Variants in FAM53C observed in about 807,000 individuals in gnomAD.
FAM53C encodes protein FAM53C.
A neutral mutation model predicts 34.7 loss-of-function variants in FAM53C; 10 were observed. The ratio of observed to expected loss-of-function variants is 0.29; its 90% confidence interval spans 0.18 to 0.49. The LOEUF is 0.49. Ranked by LOEUF, FAM53C falls within the 20% of genes least tolerant of loss-of-function variation. FAM53C has a pLI of 0.99. For synonymous variants in FAM53C, 203 were observed against 203.6 expected, an observed-to-expected ratio of 1.00 and a Z score of 0.03; for missense variants, 442 against 515.3, an observed-to-expected ratio of 0.86 and a Z score of 1.38.
At chr5:138,343,949 T>C (rs1241133600) in intron 3 of FAM53C, among the ~76,000 whole-genome samples, 1 of 152,190 alleles carries the variant, frequency 6.6e-6, no homozygotes, top group African/African-American at 2.4e-5. Context: ...TTCGTATACT[T>C]GTCGTTTGCC....
Position 138,346,785 on chromosome 5 carries a change from C to G in FAM53C, c.1005C>G (p.Ser335Arg). The stretch of plus-strand genomic sequence containing the variant: ...CTCCACCATGGTTCATGGCCTGTAG[C>G]CCCCCACCCCTCTCTGCTTCCTGCA... The part of the protein sequence containing the change: ...SISPPWFMAC[S>R]PPPLSASCSP... The change falls in exon 5 of 5, where the codon AGC (serine) becomes AGG (arginine). Residue 335 changes from serine to arginine, a missense_variant. Physicochemically the swap from Ser to Arg is moderately radical, Grantham distance 110. Coordinates refer to ENST00000239906, the MANE Select transcript of FAM53C (RefSeq NM_016605.3). The G allele has an allele frequency of 6.2e-7, 1 of 1,614,116 alleles. No homozygotes were observed. Among genetic ancestry groups the G allele is most frequent in the East Asian group, 2.2e-5 (1 of 44,888 alleles).
At chr5:138,349,728 AAC>A (rs1761269739) in exon 5 of FAM53C, 1 of 152,260 alleles carries the variant, frequency 6.6e-6, no homozygotes, top group Non-Finnish European at 1.5e-5. Flanking sequence ...TTTCCCAAGC[AAC>A]CTTGTGTACT....
At position 138,338,284 on chromosome 5, in the gene FAM53C, G is replaced by T. The variant is rs1188577123; in HGVS notation, c.-176G>T. The T allele has an allele frequency of 3.6e-6, 3 of 839,450 alleles. No homozygotes were observed. The highest frequency in any genetic ancestry group is 5.2e-6 in the Non-Finnish European group (3 of 578,908). The allele number at this position is 839,450 out of a possible 1,614,324, so 52.0% of individuals were successfully genotyped here. On this transcript the variant is annotated 5_prime_UTR_variant, in exon 1 of 5. Coordinates refer to ENST00000239906, the MANE Select transcript of FAM53C (RefSeq NM_016605.3). ...AGCGCTCAGAGCTGCTCCGGCCGCG[G>T]CCCTGGGAGCTGGAGGAACCGCGGT...
chr5:138,341,510 A>G (rs1580854058), intron 2 of FAM53C, 97 bp downstream of exon 2: 16 of 1,160,522 alleles, frequency 1.4e-5, no homozygotes, highest in Non-Finnish European at 1.9e-5. Context: ...TGCTGTATGA[A>G]TCATGGTACT....
rs1435745820 is a variant in FAM53C at position 138,345,042 on chromosome 5, C to T, written c.354C>T (p.Cys118=). 1.9e-6 allele frequency: 3 copies of T among 1,613,884 alleles called. No homozygotes were observed. Among genetic ancestry groups the T allele is most frequent in the Middle Eastern group, 3.3e-4 (2 of 6,062 alleles). ...CTGCCCCTCCATCCAAGAGGCACTG[C>T]CGCTCACTCTCAGTGCCCGTGGACC... The part of the protein sequence containing the change: ...VPPAPPSKRH[C]RSLSVPVDLS... The change falls in exon 4 of 5, where the codon TGC becomes TGT. Residue 118 remains cysteine (C), a synonymous_variant. Coordinates refer to ENST00000239906, the MANE Select transcript of FAM53C (RefSeq NM_016605.3). This position sits in a 1 kb window ranked among gnomAD's most constrained non-coding sequence, Gnocchi z 6.3.
In FAM53C at chr5:138,346,883, G is replaced by A. The variant is rs763173653; in HGVS notation, c.1103G>A (p.Arg368Gln). ...GAGGAGGGGGCTGTGCGGTGGGGTCGGCAGGCGCTGAGCAAGCGGACACTG... is the reference window on the plus strand; with the variant it reads ...GAGGAGGGGGCTGTGCGGTGGGGTCAGCAGGCGCTGAGCAAGCGGACACTG... ...EEEEGAVRWG[R>Q]QALSKRTLCQ... The change falls in exon 5 of 5, where the codon CGG (arginine) becomes CAG (glutamine). Residue 368 changes from arginine to glutamine, a missense_variant. Transcript: ENST00000239906. 49 of 1,614,004 alleles carry A rather than the reference G, an allele frequency of 3.0e-5. No homozygotes were observed. The highest frequency in any genetic ancestry group is 1.6e-4 in the Middle Eastern group (1 of 6,064).
In FAM53C at chr5:138,345,320, A is replaced by G. The variant is rs1761139977; in HGVS notation, c.632A>G (p.Gln211Arg). The change falls in exon 4 of 5, where the codon CAA (glutamine) becomes CGA (arginine). Residue 211 changes from glutamine to arginine, a missense_variant. Transcript: ENST00000239906. The surrounding 1 kb of genome is among the most constrained non-coding windows in gnomAD (Gnocchi z 6.3). ...TCTCGACCCTGCGCCGCCTCCCCTC[A>G]AAGTGGCTCCTGGGAGAGTGATGCT... ...DSSRPCAASP[Q>R]SGSWESDAES... 1.2e-6 allele frequency: 2 copies of G among 1,613,918 alleles called. No homozygotes were observed. Among genetic ancestry groups the G allele is most frequent in the Non-Finnish European group, 8.5e-7 (1 of 1,180,006 alleles).
chr5:138,345,098 C>T lies in FAM53C; in HGVS notation c.410C>T (p.Ala137Val). Residue 137 changes from alanine to valine, a missense_variant, in exon 4 of 5, where the codon GCC becomes GTC. Coordinates refer to ENST00000239906, the MANE Select transcript of FAM53C (RefSeq NM_016605.3). The surrounding 1 kb of genome is among the most constrained non-coding windows in gnomAD (Gnocchi z 6.3). ...LSRWQPVWRPAPSKLWTPIKH... is the reference protein window; with the variant it reads ...LSRWQPVWRPVPSKLWTPIKH... Reference sequence around the variant, plus strand: ...CGCTGGCAGCCGGTGTGGCGGCCCGCCCCCTCCAAGCTGTGGACTCCCATA... The same window carrying T: ...CGCTGGCAGCCGGTGTGGCGGCCCGTCCCCTCCAAGCTGTGGACTCCCATA... 1 of 1,613,946 alleles carries T rather than the reference C, an allele frequency of 6.2e-7. No individual in the cohort carries two copies. The highest frequency in any genetic ancestry group is 2.2e-5 in the East Asian group (1 of 44,868).
intron 3 of FAM53C, 73 bp from the exon 4 acceptor site, chr5:138,344,752 T>G: frequency 7.3e-7 from 1 of 1,372,216 alleles, no homozygotes; most frequent in Non-Finnish European, 9.8e-7. Flanking sequence ...CTCCATACAT[T>G]ATGTGGCAAA....
In FAM53C at chr5:138,345,071, C is replaced by T; in HGVS notation, c.383C>T (p.Ser128Phe). Residue 128 changes from serine (S) to phenylalanine (F), a missense_variant, in exon 4 of 5, where the codon TCT becomes TTT. By Grantham distance (155) the Ser-to-Phe change is radical (BLOSUM62 -2). Coordinates refer to ENST00000239906, the MANE Select transcript of FAM53C (RefSeq NM_016605.3). The surrounding 1 kb of genome is among the most constrained non-coding windows in gnomAD (Gnocchi z 6.3). Reference protein sequence around the residue: ...CRSLSVPVDLSRWQPVWRPAP... With the variant: ...CRSLSVPVDLFRWQPVWRPAP... ...TCACTCTCAGTGCCCGTGGACCTGT[C>T]TCGCTGGCAGCCGGTGTGGCGGCCC... 5 of 1,614,010 alleles carry T rather than the reference C, an allele frequency of 3.1e-6. No individual in the cohort carries two copies. In the South Asian group the frequency reaches 5.5e-5, roughly 18 times the overall value.
In FAM53C at chr5:138,338,274, T is replaced by G. The variant is rs1282323349; in HGVS notation, c.-186T>G. ...GGGCGAACCGAGCGCTCAGAGCTGCTCCGGCCGCGGCCCTGGGAGCTGGAG... is the reference window on the plus strand; with the variant it reads ...GGGCGAACCGAGCGCTCAGAGCTGCGCCGGCCGCGGCCCTGGGAGCTGGAG... On this transcript the variant is annotated 5_prime_UTR_variant, in exon 1 of 5. Coordinates refer to ENST00000239906, the MANE Select transcript of FAM53C (RefSeq NM_016605.3). The G allele has an allele frequency of 1.1e-6, 1 of 935,140 alleles. No homozygotes were observed. Among genetic ancestry groups the G allele is most frequent in the African/African-American group, 1.7e-5 (1 of 58,836 alleles). The allele number at this position is 935,140 out of a possible 1,614,324, so 57.9% of individuals were successfully genotyped here.
chr5:138,347,404 A>G lies in FAM53C; in HGVS notation c.*445A>G. On this transcript the variant is annotated 3_prime_UTR_variant, in exon 5 of 5. Coordinates refer to ENST00000239906, the MANE Select transcript of FAM53C (RefSeq NM_016605.3). ...CGTGCATGGGAGTGTACTTGTGGAA[A>G]GGTGTGTTTGCGTAGCCTTAGGGAA... is the stretch of plus-strand genomic sequence containing the variant. 5.4e-6 allele frequency: 1 copy of G among 185,816 alleles called. No homozygotes were observed. The highest frequency in any genetic ancestry group is 9.3e-5 in the South Asian group (1 of 10,728). The allele number at this position is 185,816 out of a possible 1,614,324, so 11.5% of individuals were successfully genotyped here.
chr5:138,345,512 C>T lies in FAM53C; in HGVS notation c.824C>T (p.Pro275Leu), dbSNP rs759181934. The T allele has an allele frequency of 1.2e-6, 2 of 1,614,004 alleles. No homozygotes were observed. The highest frequency in any genetic ancestry group is 1.7e-6 in the Non-Finnish European group (2 of 1,180,056). Residue 275 changes from proline to leucine, a missense_variant, in exon 4 of 5, where the codon CCT becomes CTT. By Grantham distance (98) the Pro-to-Leu change is moderately conservative. Transcript: ENST00000239906. The surrounding 1 kb of genome is among the most constrained non-coding windows in gnomAD (Gnocchi z 6.3). ...AACCTTCCCCGAAGCCGCTCACAGC[C>T]TTGTGATCTGGATGCCCGCAAAACT... is the stretch of plus-strand genomic sequence containing the variant. ...LRNLPRSRSQ[P>L]CDLDARKTGV...
rs758225433 is a variant in FAM53C, at chr5:138,345,097, G to A, written c.409G>A (p.Ala137Thr). 17 of 1,613,266 alleles carry A rather than the reference G, an allele frequency of 1.1e-5. No homozygotes were observed. Among genetic ancestry groups the A allele is most frequent in the Middle Eastern group, 1.6e-4 (1 of 6,076 alleles). Residue 137 changes from alanine to threonine, a missense_variant, in exon 4 of 5, where the codon GCC becomes ACC. By Grantham distance (58) the Ala-to-Thr change is moderately conservative. Transcript: ENST00000239906. This position sits in a 1 kb window ranked among gnomAD's most constrained non-coding sequence, Gnocchi z 6.3. ...TCGCTGGCAGCCGGTGTGGCGGCCC[G>A]CCCCCTCCAAGCTGTGGACTCCCAT... ...LSRWQPVWRP[A>T]PSKLWTPIKH... is the part of the protein sequence containing the mutation.
chr5:138,347,026 C>G lies in FAM53C; in HGVS notation c.*67C>G, dbSNP rs1580861192. ...TCATGGCTACTAACAAGTGTCGAGT[C>G]CCCAAGGCTGGGGGCCGAGCCTGGG... On this transcript the variant is annotated 3_prime_UTR_variant, in exon 5 of 5. Coordinates refer to ENST00000239906, the MANE Select transcript of FAM53C (RefSeq NM_016605.3). 6.3e-7 allele frequency: 1 copy of G among 1,596,768 alleles called. No homozygotes were observed. Among genetic ancestry groups the G allele is most frequent in the Non-Finnish European group, 8.5e-7 (1 of 1,172,990 alleles).
upstream of FAM53C, chr5:138,338,238 A>C: frequency 8.2e-7 from 1 of 1,212,484 alleles, no homozygotes; most frequent in South Asian, 1.3e-5. Context: ...GCGCCTTTTA[A>C]GGGCACCGTG....
chr5:138,341,799 T>C lies in FAM53C; in HGVS notation c.79-10T>C. The C allele has an allele frequency of 6.2e-7, 1 of 1,613,984 alleles. No homozygotes were observed. Among genetic ancestry groups the C allele is most frequent in the Non-Finnish European group, 8.5e-7 (1 of 1,179,828 alleles). On this transcript the variant is annotated splice_polypyrimidine_tract_variant and intron_variant, in intron 2 of 4. Transcript: ENST00000239906. ...AATCCAAATCATGATGGATATTCTC[T>C]CTTTCTTAGCCTTTGCCTGATCATG...
At position 138,345,245 on chromosome 5, in the gene FAM53C, A is replaced by C; in HGVS notation, c.557A>C (p.His186Pro). 6.2e-7 allele frequency: 1 copy of C among 1,614,162 alleles called. No individual in the cohort carries two copies. Among genetic ancestry groups the C allele is most frequent in the Non-Finnish European group, 8.5e-7 (1 of 1,180,020 alleles). ...GCCTCTTCTCAATGTGCCCCAGCTCACAGACCCTACAGCCCTCCTTTCTTC... is the reference window on the plus strand; with the variant it reads ...GCCTCTTCTCAATGTGCCCCAGCTCCCAGACCCTACAGCCCTCCTTTCTTC... The part of the protein sequence containing the change: ...PSASSQCAPA[H>P]RPYSPPFFSL... The change falls in exon 4 of 5, where the codon CAC becomes CCC. Residue 186 changes from histidine to proline, a missense_variant. His to Pro is a moderately conservative substitution (Grantham distance 77, BLOSUM62 -2). Coordinates refer to ENST00000239906, the MANE Select transcript of FAM53C (RefSeq NM_016605.3). This position sits in a 1 kb window ranked among gnomAD's most constrained non-coding sequence, Gnocchi z 6.3.
chr5:138,339,706 G>T (rs1450014168), intron 1 of FAM53C, among the ~76,000 whole-genome samples: 45 of 152,156 alleles, frequency 3.0e-4, no homozygotes. Context: ...AGAATATAGG[G>T]GAAGCAGCTG....
Sources: gnomAD v4.1 joint callset for allele counts (sites outside exome capture counted in the v4.1 genomes callset) on GRCh38, gnomAD v4.1.1 for gene constraint, Gnocchi (gnomAD v3.1) non-coding constraint, MANE v1.5 for transcripts, NCBI Gene and HGNC (gene_info 2026-07-23, HGNC 2026-07-21) for gene names.